The following KCNIP1 variants were observed in gnomAD, a reference collection of about 807,000 sequenced individuals.
KCNIP1 encodes potassium voltage-gated channel interacting protein 1.
Under a neutral mutation model 33.0 loss-of-function variants are expected in KCNIP1, and 18 were observed. The ratio of observed to expected loss-of-function variants is 0.55; its 90% confidence interval spans 0.38 to 0.81. The LOEUF (loss-of-function observed/expected upper bound fraction) is 0.81, where lower values mean the gene tolerates loss of function less well. Ranked by LOEUF, KCNIP1 falls within the 30% of genes least tolerant of loss-of-function variation. The probability of loss-of-function intolerance (pLI) is 0.00; values close to 1 mark genes in which losing one functional copy is unlikely to be tolerated. For synonymous variants in KCNIP1, 93 were observed against 98.3 expected, an observed-to-expected ratio of 0.95 and a Z score of 0.32; for missense variants, 238 against 271.6, an observed-to-expected ratio of 0.88 and a Z score of 0.87.
intron 1 of KCNIP1, among the ~76,000 whole-genome samples, chr5:170,694,130 G>T (rs1762815414): frequency 6.6e-6 from 1 of 152,162 alleles, no homozygotes; most frequent in Non-Finnish European, 1.5e-5. Context: ...TGGAAACCTT[G>T]CCTCACCACT....
chr5:170,447,535 G>A (rs1022386271), intron 1 of KCNIP1, among the ~76,000 whole-genome samples: 1 of 152,132 alleles, frequency 6.6e-6, no homozygotes. Flanking sequence ...TGTGAAGGGG[G>A]TGGCACAAGG....
intron 1 of KCNIP1, chr5:170,376,454 C>G (rs188336004): frequency 6.6e-6 from 1 of 152,322 alleles, no homozygotes; most frequent in Admixed American, 6.5e-5. Flanking sequence ...TGAGCCACCA[C>G]GCCCGGCCGA....
At chr5:170,385,447 T>C in intron 1 of KCNIP1, 3 of 1,614,094 alleles carry the variant, frequency 1.9e-6, no homozygotes, top group Non-Finnish European at 2.5e-6. Context: ...TTCTTCACCA[T>C]ATTCACTGGG....
chr5:170,728,551 T>A (rs573083564), intron 5 of KCNIP1, among the ~76,000 whole-genome samples: 1 of 152,300 alleles, frequency 6.6e-6, no homozygotes, highest in Non-Finnish European at 1.5e-5. Context: ...TGTGACTAGC[T>A]AGAAAATTGT....
At chr5:170,426,148 A>G (rs1755608030) in intron 1 of KCNIP1, among the ~76,000 whole-genome samples, 1 of 152,026 alleles carries the variant, frequency 6.6e-6, no homozygotes, top group African/African-American at 2.4e-5. Flanking sequence ...ACTGATGCAG[A>G]GCTCCTCCAT....
At chr5:170,731,105 G>A (rs1376547609) in intron 5 of KCNIP1, among the ~76,000 whole-genome samples, 1 of 152,154 alleles carries the variant, frequency 6.6e-6, no homozygotes, top group African/African-American at 2.4e-5. Flanking sequence ...AAACACTACA[G>A]TAATAATTTT....
intron 1 of KCNIP1, among the ~76,000 whole-genome samples, chr5:170,542,644 T>C (rs1270549160): frequency 6.6e-6 from 1 of 152,218 alleles, no homozygotes; most frequent in East Asian, 1.9e-4. Context: ...TGCCAAACCC[T>C]ATATGTACTA....
chr5:170,664,531 G>A (rs935917944), intron 1 of KCNIP1, among the ~76,000 whole-genome samples: 6 of 152,034 alleles, frequency 3.9e-5, no homozygotes, highest in Middle Eastern at 3.2e-3. Context: ...GGCTGGTCTC[G>A]AACTCCAGAG....
At position 170,668,425 on chromosome 5, in the gene KCNIP1, G is replaced by A. The variant is rs187913028; in HGVS notation, c.62-50333G>A. 1.7e-3 allele frequency among the ~76,000 whole-genome samples: 257 copies of A among 152,348 alleles called. 1 individual carries two copies. Among genetic ancestry groups the A allele is most frequent in the Middle Eastern group, 3.4e-3 (1 of 294 alleles). The stretch of plus-strand genomic sequence containing the variant: ...GGTTCTGCTGTATGACACAGGACAG[G>A]TGGCTTGCCTGGTCTGGGCCACAGC... On this transcript the variant is annotated intron_variant, in intron 1 of 7. Transcript: ENST00000328939.
At chr5:170,384,510 A>C (rs559619152) in intron 1 of KCNIP1, among the ~76,000 whole-genome samples, 191 of 152,348 alleles carry the variant, frequency 1.3e-3, no homozygotes, top group Non-Finnish European at 2.3e-3. Flanking sequence ...GTGAGGCTGC[A>C]GCAGGCCCGG....
intron 1 of KCNIP1, among the ~76,000 whole-genome samples, chr5:170,667,994 C>T (rs1561752673): frequency 6.6e-6 from 1 of 152,192 alleles, no homozygotes; most frequent in Non-Finnish European, 1.5e-5. Context: ...ACGTCCATCC[C>T]CAAACCAATC....
intron 1 of KCNIP1, among the ~76,000 whole-genome samples, chr5:170,616,552 T>C (rs982426659): frequency 5.9e-5 from 9 of 152,208 alleles, no homozygotes; most frequent in African/African-American, 2.2e-4. Context: ...TGGCGGCATC[T>C]CTGCGTTCAC....
chr5:170,628,005 G>C (rs1488028841), intron 1 of KCNIP1, among the ~76,000 whole-genome samples: 2 of 152,222 alleles, frequency 1.3e-5, no homozygotes, highest in African/African-American at 2.4e-5. Flanking sequence ...ATAGGTGTCA[G>C]GACTGGGAGC....
At chr5:170,374,711 C>T (rs1763939508) in intron 1 of KCNIP1, 1 of 152,198 alleles carries the variant, frequency 6.6e-6, no homozygotes, top group Non-Finnish European at 1.5e-5. Flanking sequence ...TGAAGGTTCT[C>T]TGCTCCCAGG....
rs1757157684 is a variant in KCNIP1 at position 170,489,252 on chromosome 5, T to C, written c.88+135288T>C. 6.6e-6 allele frequency among the ~76,000 whole-genome samples: 1 copy of C among 152,226 alleles called. No homozygotes were observed. The highest frequency in any genetic ancestry group is 2.4e-5 in the African/African-American group (1 of 41,462). ...CTTACCCCAAAAGATGGAGGACTGC[T>C]GGCAGAAACAGACAGAAATTTCCCT... On this transcript the variant is annotated intron_variant, in intron 1 of 7. Coordinates refer to the KCNIP1 transcript ENST00000377360. The surrounding 1 kb of genome is among the most constrained non-coding windows in gnomAD (Gnocchi z 4.3).
intron 1 of KCNIP1, among the ~76,000 whole-genome samples, chr5:170,417,610 G>A (rs1028177203): frequency 4.1e-4 from 62 of 152,110 alleles, no homozygotes; most frequent in African/African-American, 1.5e-3. Context: ...TTGTCGTCTG[G>A]GTTCTGGTAA....
intron 1 of KCNIP1, among the ~76,000 whole-genome samples, chr5:170,589,276 G>C (rs1365964159): frequency 2.0e-5 from 3 of 152,166 alleles, no homozygotes; most frequent in African/African-American, 7.2e-5. Flanking sequence ...TGGGATTACA[G>C]GCGTGAGGCA....
intron 1 of KCNIP1, among the ~76,000 whole-genome samples, chr5:170,698,276 G>A (rs767675895): frequency 6.6e-6 from 1 of 152,200 alleles, no homozygotes; most frequent in Non-Finnish European, 1.5e-5. Flanking sequence ...GAGAGGGTTA[G>A]TGACTTACCC....
At chr5:170,723,780 A>G (rs1363476043) in intron 5 of KCNIP1, among the ~76,000 whole-genome samples, 1 of 152,156 alleles carries the variant, frequency 6.6e-6, no homozygotes, top group Non-Finnish European at 1.5e-5. Context: ...TTTGGCAGGG[A>G]AGGTTAGCAA....
Sources: allele counts gnomAD v4.1 joint callset (sites outside exome capture counted in the v4.1 genomes callset), GRCh38; gene constraint gnomAD v4.1.1; non-coding constraint Gnocchi (gnomAD v3.1); transcripts MANE v1.5; gene names NCBI Gene and HGNC (gene_info 2026-07-23, HGNC 2026-07-21).